WNK2: variants seen among roughly 807,000 people sequenced by gnomAD.
WNK2 encodes serine/threonine-protein kinase WNK2.
WNK2 carries 67 observed loss-of-function variants against 192.1 expected under a neutral mutation model. The observed-to-expected ratio is 0.35, with a 90% CI of 0.29 to 0.43. The LOEUF (loss-of-function observed/expected upper bound fraction) is 0.43, where lower values mean the gene tolerates loss of function less well. Ranked by LOEUF, WNK2 falls within the 20% of genes least tolerant of loss-of-function variation. WNK2 has a pLI of 1.00. For missense variants in WNK2, 2,698 were observed against 3,089.7 expected (o/e 0.87, Z 3.01); for synonymous variants, 1,439 against 1,393.9 (o/e 1.03, Z -0.72).
At chr9:93,201,855 C>T (rs1241411643) in intron 2 of WNK2, among the ~76,000 whole-genome samples, 1 of 152,224 alleles carries the variant, frequency 6.6e-6, no homozygotes, top group East Asian at 1.9e-4. Context: ...TGGAACGTTC[C>T]AGCCCTGCCG....
chr9:93,256,549 C>T (rs1280998242), intron 10 of WNK2, 95 bp downstream of exon 10: 1 of 1,366,058 alleles, frequency 7.3e-7, no homozygotes, highest in Non-Finnish European at 9.6e-7. Context: ...TCCCACAGAC[C>T]CTTCGCTCAA....
intron 19 of WNK2, among the ~76,000 whole-genome samples, chr9:93,284,994 G>A (rs1011987143): frequency 1.3e-5 from 2 of 152,172 alleles, no homozygotes; most frequent in Non-Finnish European, 2.9e-5. Flanking sequence ...TAGTAGACAC[G>A]CAGAGCTGAA....
intron 26 of WNK2, among the ~76,000 whole-genome samples, chr9:93,303,183 G>A (rs1188553606): frequency 6.6e-6 from 1 of 152,196 alleles, no homozygotes; most frequent in African/African-American, 2.4e-5. Flanking sequence ...GCCTCCCAAA[G>A]TGCTGGGATT....
chr9:93,205,537 T>C (rs942065992), intron 2 of WNK2, among the ~76,000 whole-genome samples: 1 of 152,196 alleles, frequency 6.6e-6, no homozygotes, highest in African/African-American at 2.4e-5. Flanking sequence ...ACCCTGTGCC[T>C]GGCCCCCACT....
At chr9:93,296,020 C>T (rs1410381836) in intron 23 of WNK2, among the ~76,000 whole-genome samples, 1 of 124,912 alleles carries the variant, frequency 8.0e-6, no homozygotes, top group Non-Finnish European at 1.7e-5. Flanking sequence ...TCTCCCCTCA[C>T]CTTCCTCCCC....
chr9:93,195,653 C>G (rs1370156703), intron 2 of WNK2, among the ~76,000 whole-genome samples: 4 of 126,160 alleles, frequency 3.2e-5, no homozygotes, highest in Non-Finnish European at 6.3e-5. Context: ...GAGCCAAGAT[C>G]GTGCCACTGC....
intron 3 of WNK2, 49 bp from the exon 4 acceptor site, chr9:93,230,839 G>T (rs376261076): frequency 3.4e-5 from 53 of 1,552,876 alleles, no homozygotes; most frequent in Non-Finnish European, 4.5e-5. Flanking sequence ...TTGCTAGGGG[G>T]CCGCTGCCGG....
chr9:93,266,505 G>C (rs1845194903), intron 16 of WNK2, among the ~76,000 whole-genome samples: 1 of 152,206 alleles, frequency 6.6e-6, no homozygotes, highest in Non-Finnish European at 1.5e-5. Context: ...GTTCAGTTTT[G>C]TTTAGTGAAA....
At chr9:93,317,947 C>G (rs748017484) in intron 29 of WNK2, 1 of 1,611,666 alleles carries the variant, frequency 6.2e-7, no homozygotes, top group South Asian at 1.1e-5. Flanking sequence ...CTGCTGTGGG[C>G]ACAGCACTCA....
At chr9:93,237,362 C>T (rs1839993637) in intron 5 of WNK2, among the ~76,000 whole-genome samples, 1 of 152,154 alleles carries the variant, frequency 6.6e-6, no homozygotes, top group Non-Finnish European at 1.5e-5. Flanking sequence ...AGAATAGAGC[C>T]TCAGTGACCA....
At chr9:93,311,721 G>T (rs192968584) in intron 28 of WNK2, among the ~76,000 whole-genome samples, 1 of 151,882 alleles carries the variant, frequency 6.6e-6, no homozygotes, top group Non-Finnish European at 1.5e-5. Context: ...TACCCTCTAG[G>T]TTCAAGCAAT....
At chr9:93,249,004 A>G (rs1295702324) in intron 8 of WNK2, among the ~76,000 whole-genome samples, 1 of 152,244 alleles carries the variant, frequency 6.6e-6, no homozygotes, top group Non-Finnish European at 1.5e-5. Context: ...TTTAAATTCA[A>G]ACAAGCAGTC....
intron 2 of WNK2, among the ~76,000 whole-genome samples, chr9:93,212,093 T>C (rs576855626): frequency 1.2e-4 from 18 of 152,374 alleles, no homozygotes; most frequent in African/African-American, 4.3e-4. Flanking sequence ...CATCATCGGT[T>C]CCCTCACTCA....
chr9:93,201,583 G>A (rs540170750), intron 2 of WNK2, among the ~76,000 whole-genome samples: 32 of 152,348 alleles, frequency 2.1e-4, no homozygotes, highest in Admixed American at 7.2e-4. Context: ...CTAAGCCCCA[G>A]GTTGGATGTG....
rs561408817 is a variant in WNK2 at position 93,293,184 on chromosome 9, C to T, written c.5708+11C>T. 4.4e-5 allele frequency: 64 copies of T among 1,461,476 alleles called. 1 individual carries two copies. Among genetic ancestry groups the T allele is most frequent in the South Asian group, 3.3e-4 (23 of 69,976 alleles). 90.5% of individuals were successfully genotyped at this position (1,461,476 alleles called of 1,614,324 possible). ...GAGTCTGCGGGAGAAGTAGGTCCTGCGGGCAGGAAGTGTTGCCCCCGCCCC... is the reference window on the plus strand; with the variant it reads ...GAGTCTGCGGGAGAAGTAGGTCCTGTGGGCAGGAAGTGTTGCCCCCGCCCC... On this transcript the variant is annotated intron_variant, in intron 23 of 29. Transcript: ENST00000427277.
chr9:93,202,325 C>CGTGTGTGTGG (rs1554679107), intron 2 of WNK2, among the ~76,000 whole-genome samples: 14 of 130,648 alleles, frequency 1.1e-4, no homozygotes, highest in African/African-American at 3.5e-4. Flanking sequence ...TCCGTGTGCA[C>CGTGTGTGTGG]GTGTGTGTGT....
At chr9:93,302,699 A>AG (rs2134138524) in intron 26 of WNK2, among the ~76,000 whole-genome samples, 1 of 152,288 alleles carries the variant, frequency 6.6e-6, no homozygotes, top group South Asian at 2.1e-4. Context: ...GCAGTGCAGC[A>AG]GGCACCTCCA....
Position 93,239,523 on chromosome 9 carries a change from TG to T in WNK2, c.1323-233del, listed in dbSNP as rs1205249201. 1.3e-5 allele frequency among the ~76,000 whole-genome samples: 2 copies of T among 152,148 alleles called. No homozygotes were observed. Among genetic ancestry groups the T allele is most frequent in the South Asian group, 4.1e-4 (2 of 4,820 alleles). On this transcript the variant is annotated intron_variant, in intron 6 of 29. Coordinates refer to ENST00000427277, the MANE Select transcript of WNK2 (RefSeq NM_006648.4). The surrounding 1 kb of genome is among the most constrained non-coding windows in gnomAD (Gnocchi z 4.2). The stretch of plus-strand genomic sequence containing the variant: ...TGTATCATTGAATCTTTTATGAGCA[TG>T]TTTTTTTTTTTTATAATGAGGGGGA...
At chr9:93,188,425 C>G (rs942245590) in intron 2 of WNK2, among the ~76,000 whole-genome samples, 22 of 152,230 alleles carry the variant, frequency 1.4e-4, no homozygotes, top group Non-Finnish European at 2.2e-4. Flanking sequence ...ATTTATCTCA[C>G]ATCGAAGGGC....
Sources: allele counts gnomAD v4.1 joint callset (sites outside exome capture counted in the v4.1 genomes callset), GRCh38; gene constraint gnomAD v4.1.1; non-coding constraint Gnocchi (gnomAD v3.1); transcripts MANE v1.5; gene names NCBI Gene and HGNC (gene_info 2026-07-23, HGNC 2026-07-21).